The following ARHGAP15 variants were observed in gnomAD, a reference collection of about 807,000 sequenced individuals.
The protein encoded by ARHGAP15 is rho GTPase-activating protein 15.
In ARHGAP15, 51 loss-of-function variants were observed where a neutral mutation model predicts 63.7. The ratio of observed to expected loss-of-function variants is 0.80; its 90% CI spans 0.64 to 1.01. The LOEUF is 1.01. Ranked by LOEUF, ARHGAP15 falls within the 50% of genes least tolerant of loss-of-function variation. The pLI, the probability that ARHGAP15 is intolerant of heterozygous loss-of-function variation, is 0.00. For missense variants in ARHGAP15, 560 were observed against 564.6 expected (o/e 0.99, Z 0.08); for synonymous variants, 191 against 193.8 (o/e 0.99, Z 0.12).
chr2:143,441,330 G>A (rs1361277078), intron 8 of ARHGAP15, among the ~76,000 whole-genome samples: 1 of 152,134 alleles, frequency 6.6e-6, no homozygotes, highest in African/African-American at 2.4e-5. Flanking sequence ...AAAGGGGCAG[G>A]TAGGGCATTC....
At chr2:143,669,973 G>T (rs13406439) in intron 12 of ARHGAP15, among the ~76,000 whole-genome samples, 3,454 of 152,286 alleles carry the variant, frequency 0.023, 141 homozygotes, top group African/African-American at 0.079. Flanking sequence ...GTAGCATCCT[G>T]TTCAAGCTGT....
At chr2:143,449,652 A>C (rs1278470460) in intron 8 of ARHGAP15, among the ~76,000 whole-genome samples, 1 of 152,058 alleles carries the variant, frequency 6.6e-6, no homozygotes, top group East Asian at 1.9e-4. Flanking sequence ...GAAAAATTGC[A>C]AAGAAAACAA....
chr2:143,571,407 G>T (rs907920335), intron 11 of ARHGAP15, among the ~76,000 whole-genome samples: 2 of 152,130 alleles, frequency 1.3e-5, no homozygotes, highest in African/African-American at 4.8e-5. Context: ...TTGTAAGAAA[G>T]CTACCCACTT....
At chr2:143,684,191 T>G (rs999306746) in intron 12 of ARHGAP15, among the ~76,000 whole-genome samples, 1 of 152,188 alleles carries the variant, frequency 6.6e-6, no homozygotes, top group African/African-American at 2.4e-5. Flanking sequence ...TTGATCAGCA[T>G]GTATTGGACA....
intron 12 of ARHGAP15, among the ~76,000 whole-genome samples, chr2:143,671,504 G>C (rs1574815997): frequency 6.6e-6 from 1 of 152,106 alleles, no homozygotes; most frequent in Non-Finnish European, 1.5e-5. Flanking sequence ...TCTTAGATGA[G>C]ATTATTTTAG....
chr2:143,575,906 G>A (rs1243408991), intron 11 of ARHGAP15, among the ~76,000 whole-genome samples: 1 of 151,950 alleles, frequency 6.6e-6, no homozygotes, highest in Non-Finnish European at 1.5e-5. Context: ...TCTTATTCTG[G>A]GGGCAAAAGG....
intron 6 of ARHGAP15, among the ~76,000 whole-genome samples, chr2:143,413,966 T>TGTGCGTGCGCGC: frequency 8.5e-6 from 1 of 117,910 alleles, no homozygotes; most frequent in African/African-American, 3.5e-5. Flanking sequence ...TGTGTGTGTG[T>TGTGCGTGCGCGC]GCGCGCTCTC....
chr2:143,216,022 G>T (rs533296333), intron 3 of ARHGAP15, among the ~76,000 whole-genome samples: 21 of 152,286 alleles, frequency 1.4e-4, no homozygotes, highest in African/African-American at 5.1e-4. Flanking sequence ...GGCTTGAAAA[G>T]AAGAACTTTT....
chr2:143,588,642 T>A (rs1437744792), intron 11 of ARHGAP15, among the ~76,000 whole-genome samples: 1 of 152,218 alleles, frequency 6.6e-6, no homozygotes, highest in African/African-American at 2.4e-5. Flanking sequence ...TTCATCCATG[T>A]CCCTGCAAAG....
chr2:143,768,331 T>C lies in ARHGAP15; in HGVS notation c.*159T>C. 1.4e-6 allele frequency: 1 copy of C among 715,596 alleles called. No individual in the cohort carries two copies. Among genetic ancestry groups the C allele is most frequent in the South Asian group, 2.0e-5 (1 of 51,264 alleles). The allele number at this position is 715,596 out of a possible 1,614,324, so 44.3% of individuals were successfully genotyped here. On this transcript the variant is annotated 3_prime_UTR_variant, in exon 14 of 14. Transcript: ENST00000295095. ...GATTTTGTGTTTAAGTTCCAAACAT[T>C]TGAATAAAATAATTGACAATATTTG...
intron 6 of ARHGAP15, among the ~76,000 whole-genome samples, chr2:143,387,896 T>TACACGCATGCCTGCACACACACAC (rs1687365593): frequency 6.9e-6 from 1 of 145,952 alleles, no homozygotes; most frequent in African/African-American, 2.5e-5. Flanking sequence ...CACATACACA[T>TACACGCATGCCTGCACACACACAC]ACACGCATGC....
intron 13 of ARHGAP15, among the ~76,000 whole-genome samples, chr2:143,740,896 CAGAAATAT>C: frequency 6.6e-6 from 1 of 151,700 alleles, no homozygotes; most frequent in Middle Eastern, 3.4e-3. Context: ...CATTTTTTTC[CAGAAATAT>C]TGAAGCTGTG....
chr2:143,456,811 TATTAA>T (rs1690677663), intron 8 of ARHGAP15, among the ~76,000 whole-genome samples: 1 of 125,468 alleles, frequency 8.0e-6, no homozygotes, highest in African/African-American at 3.0e-5. Flanking sequence ...GTAATTATGT[TATTAA>T]ATTGTGTACA....
intron 8 of ARHGAP15, among the ~76,000 whole-genome samples, chr2:143,483,342 A>G (rs945731622): frequency 6.6e-6 from 1 of 152,204 alleles, no homozygotes; most frequent in Non-Finnish European, 1.5e-5. Flanking sequence ...TTTGCAAAGT[A>G]CTTTCTAATG....
chr2:143,310,715 C>A (rs1683408059), intron 6 of ARHGAP15, among the ~76,000 whole-genome samples: 1 of 151,920 alleles, frequency 6.6e-6, no homozygotes, highest in Non-Finnish European at 1.5e-5. Context: ...TATTTACTTT[C>A]TGACAGGTTC....
chr2:143,221,904 C>A (rs149387899), intron 4 of ARHGAP15, among the ~76,000 whole-genome samples: 142 of 152,270 alleles, frequency 9.3e-4, no homozygotes, highest in African/African-American at 3.3e-3. Flanking sequence ...AGCTACTAGG[C>A]CTTCGGTTGG....
chr2:143,216,470 T>C, intron 4 of ARHGAP15, 25 bp downstream of exon 4: 1 of 1,518,042 alleles, frequency 6.6e-7, no homozygotes, highest in African/African-American at 1.4e-5. Flanking sequence ...TAATTCACTT[T>C]TATATAACTA....
At chr2:143,714,730 G>C (rs1684732618) in intron 13 of ARHGAP15, among the ~76,000 whole-genome samples, 1 of 152,228 alleles carries the variant, frequency 6.6e-6, no homozygotes, top group Non-Finnish European at 1.5e-5. Context: ...CTCTAGGGCA[G>C]GGGCAGAATG....
At chr2:143,483,635 T>C (rs572622034) in intron 8 of ARHGAP15, among the ~76,000 whole-genome samples, 1 of 152,342 alleles carries the variant, frequency 6.6e-6, no homozygotes, top group Non-Finnish European at 1.5e-5. Flanking sequence ...TGACTACAGC[T>C]GTCAGTTGAA....
Sources: allele counts gnomAD v4.1 joint callset (sites outside exome capture counted in the v4.1 genomes callset), GRCh38; gene constraint gnomAD v4.1.1; transcripts MANE v1.5; gene names NCBI Gene and HGNC (gene_info 2026-07-23, HGNC 2026-07-21).